Variants in SGCZ observed in about 807,000 individuals in gnomAD.
The protein encoded by SGCZ is sarcoglycan zeta.
Under a neutral mutation model 41.3 loss-of-function variants are expected in SGCZ, and 40 were observed. That is an observed-to-expected ratio of 0.97 (90% CI 0.75 to 1.26). SGCZ has a LOEUF of 1.26. SGCZ is among the 50% of genes most tolerant of loss of function. The pLI is 0.00. For missense variants in SGCZ, 552 were observed against 369.8 expected (o/e 1.49, Z -4.04); for synonymous variants, 206 against 137.5 (o/e 1.50, Z -3.49).
chr8:14,999,162 T>C (rs761952476), intron 1 of SGCZ, among the ~76,000 whole-genome samples: 4 of 152,190 alleles, frequency 2.6e-5, no homozygotes, highest in Non-Finnish European at 4.4e-5. Flanking sequence ...TAGCCACACA[T>C]ATATGAGAAA....
intron 4 of SGCZ, among the ~76,000 whole-genome samples, chr8:14,236,146 G>T (rs981084806): frequency 6.6e-6 from 1 of 152,206 alleles, no homozygotes; most frequent in Non-Finnish European, 1.5e-5. Flanking sequence ...AGTTTCTGCA[G>T]TTCCAACATA....
chr8:14,114,923 T>A (rs888225981), intron 5 of SGCZ, among the ~76,000 whole-genome samples: 19 of 151,990 alleles, frequency 1.3e-4, no homozygotes, highest in African/African-American at 4.1e-4. Context: ...TAAAATCACA[T>A]GTAAAGAAAA....
chr8:14,518,410 A>G (rs768820418), intron 2 of SGCZ, among the ~76,000 whole-genome samples: 6 of 152,088 alleles, frequency 3.9e-5, no homozygotes, highest in Admixed American at 6.6e-5. Context: ...ATATCGGCCT[A>G]TTTTCATATA....
At chr8:14,994,012 A>G (rs1368217109) in intron 1 of SGCZ, among the ~76,000 whole-genome samples, 1 of 152,204 alleles carries the variant, frequency 6.6e-6, no homozygotes, top group East Asian at 1.9e-4. Flanking sequence ...TCCAGCTGAG[A>G]ATACATTGGG....
At chr8:14,270,371 G>C (rs1800017399) in intron 3 of SGCZ, among the ~76,000 whole-genome samples, 1 of 151,958 alleles carries the variant, frequency 6.6e-6, no homozygotes, top group African/African-American at 2.4e-5. Context: ...TAAACGATAT[G>C]TACAAATTTT....
At chr8:14,127,592 A>T (rs1306620170) in intron 5 of SGCZ, among the ~76,000 whole-genome samples, 1 of 151,996 alleles carries the variant, frequency 6.6e-6, no homozygotes, top group East Asian at 1.9e-4. Flanking sequence ...AGTAGCTGGG[A>T]CTACAGGCAC....
chr8:15,039,815 C>G (rs1804015333), intron 1 of SGCZ, among the ~76,000 whole-genome samples: 1 of 152,128 alleles, frequency 6.6e-6, no homozygotes. Flanking sequence ...TGCTTACTTC[C>G]ATTTTACATA....
chr8:14,121,194 C>A (rs143666833), intron 5 of SGCZ, among the ~76,000 whole-genome samples: 3,011 of 151,996 alleles, frequency 0.02, 33 homozygotes, highest in Middle Eastern at 0.076. Flanking sequence ...TTAGTATTAA[C>A]ATATATTCAA....
intron 2 of SGCZ, among the ~76,000 whole-genome samples, chr8:14,466,030 T>A (rs1265206027): frequency 2.0e-5 from 3 of 151,980 alleles, no homozygotes; most frequent in Non-Finnish European, 2.9e-5. Flanking sequence ...CTTTCATAAT[T>A]GCTCACAGTT....
chr8:15,235,628 G>A (rs903991931), intron 1 of SGCZ, among the ~76,000 whole-genome samples: 1 of 152,116 alleles, frequency 6.6e-6, no homozygotes, highest in African/African-American at 2.4e-5. Context: ...ACTAATTCTA[G>A]ACATAAGTTT....
chr8:14,808,611 A>G (rs2130528837), intron 1 of SGCZ, among the ~76,000 whole-genome samples: 1 of 152,304 alleles, frequency 6.6e-6, no homozygotes, highest in Non-Finnish European at 1.5e-5. Flanking sequence ...GAGAAATAGG[A>G]ACACTTTTAC....
intron 1 of SGCZ, among the ~76,000 whole-genome samples, chr8:14,836,451 C>G (rs892364744): frequency 3.3e-5 from 5 of 152,074 alleles, no homozygotes; most frequent in Admixed American, 3.3e-4. Flanking sequence ...ACCTGGTATC[C>G]CGCTTTCTAG....
chr8:14,437,237 C>T (rs984726942), intron 2 of SGCZ, among the ~76,000 whole-genome samples: 9 of 152,044 alleles, frequency 5.9e-5, no homozygotes, highest in Admixed American at 6.6e-5. Context: ...GACAGACCAA[C>T]GGATTTTAAC....
chr8:14,410,660 G>A (rs1799335339), intron 2 of SGCZ, among the ~76,000 whole-genome samples: 1 of 152,070 alleles, frequency 6.6e-6, no homozygotes, highest in Non-Finnish European at 1.5e-5. Context: ...CCTAAGGCAT[G>A]CAGGCCTTAA....
At chr8:14,670,855 T>C (rs1049215447) in intron 1 of SGCZ, among the ~76,000 whole-genome samples, 4 of 152,214 alleles carry the variant, frequency 2.6e-5, no homozygotes, top group African/African-American at 9.7e-5. Context: ...AAAGCTCACA[T>C]TCATTTCAAA....
At chr8:14,404,362 A>C (rs943350978) in intron 2 of SGCZ, among the ~76,000 whole-genome samples, 1 of 152,174 alleles carries the variant, frequency 6.6e-6, no homozygotes, top group Non-Finnish European at 1.5e-5. Flanking sequence ...CTTAGTGTAA[A>C]TGCAACATGT....
At chr8:14,741,355 G>A (rs946370658) in intron 1 of SGCZ, among the ~76,000 whole-genome samples, 1 of 152,014 alleles carries the variant, frequency 6.6e-6, no homozygotes, top group Non-Finnish European at 1.5e-5. Flanking sequence ...TGCATTTACA[G>A]TAGATCCTCA....
chr8:14,429,055 T>C (rs1014426891), intron 2 of SGCZ, among the ~76,000 whole-genome samples: 1 of 152,210 alleles, frequency 6.6e-6, no homozygotes, highest in Admixed American at 6.5e-5. Flanking sequence ...CCTAGCACGT[T>C]ATACAAACTT....
intron 1 of SGCZ, among the ~76,000 whole-genome samples, chr8:14,847,809 C>A (rs892185986): frequency 8.1e-5 from 10 of 123,994 alleles, no homozygotes; most frequent in South Asian, 2.7e-4. Flanking sequence ...AAAAAAAAAA[C>A]CTGACTGTTT....
Sources: gnomAD v4.1 joint callset for allele counts (sites outside exome capture counted in the v4.1 genomes callset) on GRCh38, gnomAD v4.1.1 for gene constraint, MANE v1.5 for transcripts, NCBI Gene and HGNC (gene_info 2026-07-23, HGNC 2026-07-21) for gene names.